RBFOX1: variants seen among roughly 807,000 people sequenced by gnomAD.
RBFOX1 encodes RNA binding fox-1 homolog 1, also known as RNA binding protein fox-1 homolog 1.
RBFOX1 carries 8 observed loss-of-function variants against 57.7 expected under a neutral mutation model. The ratio of observed to expected loss-of-function variants is 0.14; its 90% CI spans 0.08 to 0.25. The LOEUF (loss-of-function observed/expected upper bound fraction) is 0.25, where lower values mean the gene tolerates loss of function less well. Among genes scored for constraint, RBFOX1 ranks in the 10% least tolerant of loss-of-function variants. The pLI is 1.00. For missense variants in RBFOX1, 611 were observed against 548.5 expected (o/e 1.11, Z -1.14); for synonymous variants, 326 against 222.4 (o/e 1.47, Z -4.15).
intron 3 of RBFOX1, among the ~76,000 whole-genome samples, chr16:7,048,980 C>G (rs1432512253): frequency 6.6e-6 from 1 of 152,160 alleles, no homozygotes. Context: ...TATATCAAGT[C>G]TGGGACATGG....
At chr16:5,974,395 G>T (rs975373950) in intron 4 of RBFOX1, among the ~76,000 whole-genome samples, 6 of 152,040 alleles carry the variant, frequency 3.9e-5, no homozygotes, top group Admixed American at 1.3e-4. Context: ...GATCATTTGA[G>T]GTCAGGAGTT....
At chr16:6,251,511 C>T (rs552342122) in intron 1 of RBFOX1, among the ~76,000 whole-genome samples, 3 of 151,990 alleles carry the variant, frequency 2.0e-5, no homozygotes, top group Admixed American at 6.6e-5. Context: ...ATTTATTATA[C>T]ATGGGTTTGG....
chr16:6,842,689 A>T (rs1158347357), intron 3 of RBFOX1, among the ~76,000 whole-genome samples: 1 of 147,530 alleles, frequency 6.8e-6, no homozygotes, highest in Non-Finnish European at 1.5e-5. Context: ...GTTCTGGGAT[A>T]CATGTGTAGA....
chr16:5,637,130 T>C (rs749762074), intron 3 of RBFOX1, among the ~76,000 whole-genome samples: 2 of 152,234 alleles, frequency 1.3e-5, no homozygotes, highest in African/African-American at 2.4e-5. Context: ...AATTTCACAG[T>C]GAATCTTATT....
intron 4 of RBFOX1, among the ~76,000 whole-genome samples, chr16:5,886,425 A>G (rs2057901370): frequency 6.6e-6 from 1 of 152,258 alleles, no homozygotes; most frequent in South Asian, 2.1e-4. Context: ...GTAGAAATAG[A>G]CAGAAATAAC....
In RBFOX1 at chr16:5,650,830, C is replaced by T. The variant is rs1258626720; in HGVS notation, c.318+51869C>T. ...GTCTTTGTCCTTATGGAGGACGGGG[C>T]AGCAGGCGACGGGTCATGAAGACAG... On this transcript the variant is annotated intron_variant, in intron 3 of 19. Coordinates refer to the RBFOX1 transcript ENST00000641259. Among the ~76,000 whole-genome samples, 4 of 152,172 alleles carry T rather than the reference C, an allele frequency of 2.6e-5. No homozygotes were observed. The East Asian group carries it at 7.8e-4, about 30-fold the overall frequency.
intron 3 of RBFOX1, among the ~76,000 whole-genome samples, chr16:6,782,139 T>A (rs1196255579): frequency 6.6e-6 from 1 of 152,160 alleles, no homozygotes; most frequent in Non-Finnish European, 1.5e-5. Flanking sequence ...CCCGAGTAGC[T>A]GGGACTACGG....
At chr16:7,071,437 A>T (rs963667243) in intron 4 of RBFOX1, among the ~76,000 whole-genome samples, 3 of 152,230 alleles carry the variant, frequency 2.0e-5, no homozygotes, top group African/African-American at 7.2e-5. Flanking sequence ...AGTGTGGCAG[A>T]TCATTTAAAG....
At chr16:6,116,799 G>A (rs912008488) in intron 1 of RBFOX1, among the ~76,000 whole-genome samples, 1 of 152,120 alleles carries the variant, frequency 6.6e-6, no homozygotes, top group Non-Finnish European at 1.5e-5. Flanking sequence ...GGAATTTAGA[G>A]ACATGGGACA....
At chr16:5,864,744 C>G (rs1235570725) in intron 3 of RBFOX1, among the ~76,000 whole-genome samples, 1 of 152,118 alleles carries the variant, frequency 6.6e-6, no homozygotes, top group Admixed American at 6.5e-5. Context: ...CAGCCACATT[C>G]AGATCATGTA....
At chr16:6,518,528 G>C (rs2070573323) in intron 2 of RBFOX1, among the ~76,000 whole-genome samples, 1 of 151,750 alleles carries the variant, frequency 6.6e-6, no homozygotes, top group African/African-American at 2.4e-5. Flanking sequence ...ATGTAGATCT[G>C]ATTCCAGTTC....
At chr16:6,891,905 T>C (rs1300285471) in intron 3 of RBFOX1, among the ~76,000 whole-genome samples, 1 of 152,174 alleles carries the variant, frequency 6.6e-6, no homozygotes, top group African/African-American at 2.4e-5. Flanking sequence ...CTCATTCTTT[T>C]CTTCCCTTTC....
In RBFOX1 at chr16:6,296,534, C is replaced by CCT. The variant is rs1250451558; in HGVS notation, c.-126-20459_-126-20458dup. Among the ~76,000 whole-genome samples the CCT allele has an allele frequency of 5.3e-5, 8 of 151,994 alleles. No individual in the cohort carries two copies. In the South Asian group the frequency reaches 1.5e-3, roughly 28 times the overall value. ...CTCCCGGGTTCAGGCCATTCTCCTGCCTCAGCCTCCCGTGTAGCTGGGACT... is the reference window on the plus strand; with the variant it reads ...CTCCCGGGTTCAGGCCATTCTCCTGCCTCTCAGCCTCCCGTGTAGCTGGGACT... On this transcript the variant is annotated intron_variant, in intron 1 of 15. Coordinates refer to ENST00000550418, the MANE Select transcript of RBFOX1 (RefSeq NM_018723.4).
At position 5,516,720 on chromosome 16, in the gene RBFOX1, G is replaced by C. The variant is rs571462918; in HGVS notation, c.258+49466G>C. Among the ~76,000 whole-genome samples the C allele has an allele frequency of 3.9e-5, 6 of 152,132 alleles. No homozygotes were observed. In the East Asian group the frequency reaches 5.8e-4, roughly 15 times the overall value. ...GGAAGGTAATTGAGTCATGGGGGTGGGTTTTTTTGCATGCTGTTCTCGAGA... is the reference window on the plus strand; with the variant it reads ...GGAAGGTAATTGAGTCATGGGGGTGCGTTTTTTTGCATGCTGTTCTCGAGA... On this transcript the variant is annotated intron_variant, in intron 2 of 2. Coordinates refer to the RBFOX1 transcript ENST00000585867.
chr16:7,312,499 A>G (rs1364676801), intron 4 of RBFOX1, among the ~76,000 whole-genome samples: 1 of 152,222 alleles, frequency 6.6e-6, no homozygotes, highest in South Asian at 2.1e-4. Context: ...TAACATGATT[A>G]ATACACCCAT....
At chr16:5,932,489 G>C (rs776959118) in intron 4 of RBFOX1, among the ~76,000 whole-genome samples, 2 of 152,186 alleles carry the variant, frequency 1.3e-5, no homozygotes, top group Non-Finnish European at 2.9e-5. Context: ...AGCAGACAGA[G>C]ACCCCAGCCA....
Position 7,118,047 on chromosome 16 carries a change from G to A in RBFOX1, c.27+65949G>A, listed in dbSNP as rs150403586. Reference sequence around the variant, plus strand: ...GTGCTGCATTAAGCATGCACATGCAGGTGTGTTTTTTTATACAGTGACTTG... The same window carrying A: ...GTGCTGCATTAAGCATGCACATGCAAGTGTGTTTTTTTATACAGTGACTTG... On this transcript the variant is annotated intron_variant, in intron 4 of 15. Coordinates refer to ENST00000550418, the MANE Select transcript of RBFOX1 (RefSeq NM_018723.4). Among the ~76,000 whole-genome samples, 7 of 152,266 alleles carry A rather than the reference G, an allele frequency of 4.6e-5. No individual in the cohort carries two copies. The East Asian group carries it at 1.4e-3, about 29-fold the overall frequency.
At chr16:6,268,031 A>G (rs945110014) in intron 1 of RBFOX1, among the ~76,000 whole-genome samples, 3 of 152,224 alleles carry the variant, frequency 2.0e-5, no homozygotes, top group Admixed American at 2.0e-4. Flanking sequence ...TAAAGAGCCT[A>G]TTAATATTAA....
intron 2 of RBFOX1, among the ~76,000 whole-genome samples, chr16:5,501,669 C>T (rs193279576): frequency 3.3e-5 from 5 of 152,254 alleles, no homozygotes; most frequent in Non-Finnish European, 7.4e-5. Flanking sequence ...TCTCCAAACA[C>T]AGTTCATGGT....
Sources: gnomAD v4.1 joint callset for allele counts (sites outside exome capture counted in the v4.1 genomes callset) on GRCh38, gnomAD v4.1.1 for gene constraint, MANE v1.5 for transcripts, NCBI Gene and HGNC (gene_info 2026-07-23, HGNC 2026-07-21) for gene names.